Variants in GNG7 observed in about 807,000 individuals in gnomAD.
GNG7 encodes the protein G protein subunit gamma 7.
A neutral mutation model predicts 4.0 loss-of-function variants in GNG7; 1 was observed. That is an observed-to-expected ratio of 0.25 (90% confidence interval 0.09 to 1.18). The LOEUF is 1.18. Ranked by LOEUF, GNG7 falls within the 50% of genes most tolerant of loss-of-function variation. GNG7 has a pLI of 0.50. For missense variants in GNG7, 86 were observed against 91.9 expected (o/e 0.94, Z 0.26); for synonymous variants, 34 against 36.9 (o/e 0.92, Z 0.29).
chr19:2,575,759 ACG>A (rs1376162037), intron 2 of GNG7, among the ~76,000 whole-genome samples: 194 of 126,406 alleles, frequency 1.5e-3, no homozygotes, highest in African/African-American at 3.3e-3. Flanking sequence ...ACACGCAGAC[ACG>A]CAGGCACACG....
At chr19:2,610,175 T>G (rs1860662) in intron 2 of GNG7, 32,962 of 151,294 alleles carry the variant, frequency 0.22, 4,209 homozygotes, top group Non-Finnish European at 0.3. Flanking sequence ...TTTTATTTTT[T>G]TTGGAGACAG....
chr19:2,600,224 AG>A (rs1184560690), intron 2 of GNG7, among the ~76,000 whole-genome samples: 1 of 151,834 alleles, frequency 6.6e-6, no homozygotes, highest in African/African-American at 2.4e-5. Context: ...ATTTTATATT[AG>A]GAGGATGACA....
rs1169352579 is a variant in GNG7 at position 2,524,948 on chromosome 19, T to C, written c.-37-4223A>G. 3.9e-5 allele frequency among the ~76,000 whole-genome samples: 6 copies of C among 151,922 alleles called. No individual in the cohort carries two copies. The East Asian group carries it at 5.8e-4, about 15-fold the overall frequency. On this transcript the variant is annotated intron_variant, in intron 3 of 4. Transcript: ENST00000382159. ...CGGGAGTGCATGTGGATGCTTGGGC[T>C]GAGATGCCGAGACTCAGACACAGAT...
chr19:2,662,785 C>T (rs12459517), intron 1 of GNG7, among the ~76,000 whole-genome samples: 42,207 of 151,946 alleles, frequency 0.28, 6,314 homozygotes, highest in East Asian at 0.55. Context: ...TCACCTCAAC[C>T]TTCAGCCCTT....
intron 2 of GNG7, among the ~76,000 whole-genome samples, chr19:2,595,824 C>A (rs1231624141): frequency 6.6e-6 from 1 of 152,044 alleles, no homozygotes; most frequent in Non-Finnish European, 1.5e-5. Flanking sequence ...CTGTACGTAT[C>A]TATGTGAGTG....
chr19:2,631,776 A>C (rs1411634413), intron 2 of GNG7, among the ~76,000 whole-genome samples: 2 of 152,216 alleles, frequency 1.3e-5, no homozygotes, highest in Non-Finnish European at 2.9e-5. Context: ...ATAAAACTTT[A>C]TTTATAAAAA....
chr19:2,659,896 A>G (rs1255217243), intron 1 of GNG7, among the ~76,000 whole-genome samples: 1 of 152,036 alleles, frequency 6.6e-6, no homozygotes, highest in African/African-American at 2.4e-5. Context: ...AGCCCCAGAG[A>G]GAAGACTGGT....
At chr19:2,683,263 C>T (rs568231663) in intron 1 of GNG7, among the ~76,000 whole-genome samples, 1 of 151,244 alleles carries the variant, frequency 6.6e-6, no homozygotes, top group African/African-American at 2.4e-5. Flanking sequence ...GAGATGGGTT[C>T]TCACTATGTT....
intron 3 of GNG7, among the ~76,000 whole-genome samples, chr19:2,540,007 CTTCT>C (rs1362106255): frequency 1.4e-5 from 2 of 141,020 alleles, no homozygotes; most frequent in South Asian, 2.3e-4. Context: ...TTTTTTCTTT[CTTCT>C]TTCTTTCTCT....
At chr19:2,657,051 A>AT (rs1459213190) in intron 1 of GNG7, among the ~76,000 whole-genome samples, 1 of 151,940 alleles carries the variant, frequency 6.6e-6, no homozygotes, top group Non-Finnish European at 1.5e-5. Context: ...AAACTGGCTC[A>AT]TTACAGGCGC....
chr19:2,547,228 G>T (rs1979159185), intron 3 of GNG7, among the ~76,000 whole-genome samples: 1 of 152,138 alleles, frequency 6.6e-6, no homozygotes, highest in Admixed American at 6.5e-5. Context: ...GTTGTGTCCT[G>T]TGACATTGTG....
intron 3 of GNG7, among the ~76,000 whole-genome samples, chr19:2,551,776 C>T (rs113323315): frequency 0.13 from 19,259 of 151,862 alleles, 1,371 homozygotes; most frequent in Non-Finnish European, 0.15. Flanking sequence ...CTCTGCCTCC[C>T]GGGCTCAAGT....
rs1979611937 is a variant in GNG7, at chr19:2,557,780, C to T, written c.-77-2592G>A. ...TTTGACCCTGCCCCAGGCCATGGTC[C>T]TTGACCAGGGAACCACAGCTCCTTA... On this transcript the variant is annotated intron_variant, in intron 2 of 4. Transcript: ENST00000382159. This position sits in a 1 kb window ranked among gnomAD's most constrained non-coding sequence, Gnocchi z 5.1. Among the ~76,000 whole-genome samples, 1 of 152,182 alleles carries T rather than the reference C, an allele frequency of 6.6e-6. No individual in the cohort carries two copies. The highest frequency in any genetic ancestry group is 1.5e-5 in the Non-Finnish European group (1 of 68,036).
chr19:2,562,562 G>T (rs1254608017), intron 2 of GNG7, among the ~76,000 whole-genome samples: 4 of 152,202 alleles, frequency 2.6e-5, no homozygotes, highest in African/African-American at 9.6e-5. Context: ...TGGACACTGG[G>T]GCCAGATCCT....
intron 1 of GNG7, among the ~76,000 whole-genome samples, chr19:2,660,179 A>G (rs1983110252): frequency 6.6e-6 from 1 of 152,192 alleles, no homozygotes; most frequent in South Asian, 2.1e-4. Flanking sequence ...CCATTTGGTG[A>G]ACGAAAGCAT....
intron 1 of GNG7, among the ~76,000 whole-genome samples, chr19:2,652,956 ATC>A (rs1314515694): frequency 6.6e-6 from 1 of 151,898 alleles, no homozygotes; most frequent in Non-Finnish European, 1.5e-5. Context: ...GCAAGACCCT[ATC>A]TCTACAAAAA....
At chr19:2,558,972 T>C (rs971488028) in intron 2 of GNG7, among the ~76,000 whole-genome samples, 25 of 151,778 alleles carry the variant, frequency 1.6e-4, no homozygotes, top group Admixed American at 1.1e-3. Context: ...CTAATTTTTG[T>C]ATTTTCAGTA....
intron 4 of GNG7, among the ~76,000 whole-genome samples, chr19:2,519,741 A>T (rs537256110): frequency 6.6e-6 from 1 of 151,962 alleles, no homozygotes; most frequent in South Asian, 2.1e-4. Flanking sequence ...GGAGGAGGGA[A>T]CTCTGCCTCC....
At chr19:2,689,156 A>C (rs1434428746) in intron 1 of GNG7, among the ~76,000 whole-genome samples, 1 of 151,416 alleles carries the variant, frequency 6.6e-6, no homozygotes, top group African/African-American at 2.4e-5. Context: ...ACATACAATA[A>C]ATAAATAAAT....
Sources: allele counts gnomAD v4.1 joint callset (sites outside exome capture counted in the v4.1 genomes callset), GRCh38; gene constraint gnomAD v4.1.1; non-coding constraint Gnocchi (gnomAD v3.1); transcripts MANE v1.5; gene names NCBI Gene and HGNC (gene_info 2026-07-23, HGNC 2026-07-21).